Variants in PITPNM2 observed in about 807,000 individuals in gnomAD.
PITPNM2 encodes the protein membrane-associated phosphatidylinositol transfer protein 2.
A neutral mutation model predicts 132.2 loss-of-function variants in PITPNM2; 35 were observed. The observed-to-expected ratio is 0.26, with a 90% CI of 0.20 to 0.35. The LOEUF is 0.35. PITPNM2 is among the 10% of genes least tolerant of loss of function. The pLI is 1.00. For synonymous variants in PITPNM2, 738 were observed against 799.2 expected (o/e 0.92, Z 1.29); for missense variants, 1,332 against 1,912.0 (o/e 0.70, Z 5.66).
chr12:123,129,565 C>T (rs2043218622), intron 1 of PITPNM2, among the ~76,000 whole-genome samples: 2 of 151,178 alleles, frequency 1.3e-5, no homozygotes, highest in Non-Finnish European at 2.9e-5. Context: ...GAGACTCCGT[C>T]TCAAGAAAAA....
intron 14 of PITPNM2, 73 bp from the exon 15 acceptor site, chr12:122,995,052 A>C: frequency 5.5e-6 from 8 of 1,452,850 alleles, no homozygotes; most frequent in Non-Finnish European, 7.3e-6. Context: ...TGCTGGTGGC[A>C]GCAGGTCCCA....
chr12:122,995,331 C>T, intron 14 of PITPNM2, 58 bp downstream of exon 14: 1 of 1,524,318 alleles, frequency 6.6e-7, no homozygotes, highest in Non-Finnish European at 8.8e-7. Flanking sequence ...GATGTTCCTC[C>T]CTCTTGGAGC....
chr12:123,093,918 T>A (rs1593009195), intron 2 of PITPNM2, among the ~76,000 whole-genome samples: 1 of 152,146 alleles, frequency 6.6e-6, no homozygotes, highest in Non-Finnish European at 1.5e-5. Flanking sequence ...GGCAGAGGCA[T>A]CCCCACCCAC....
intron 1 of PITPNM2, among the ~76,000 whole-genome samples, chr12:123,145,901 TA>T (rs1327138983): frequency 7.9e-5 from 12 of 152,280 alleles, no homozygotes; most frequent in Non-Finnish European, 1.3e-4. Context: ...GGAATCAACC[TA>T]AATGCCCCAT....
Position 122,985,850 on chromosome 12 carries a change from A to G in PITPNM2, c.*177T>C. 3.6e-6 allele frequency: 2 copies of G among 551,862 alleles called. No individual in the cohort carries two copies. Among genetic ancestry groups the G allele is most frequent in the Non-Finnish European group, 5.7e-6 (2 of 351,352 alleles). 34.2% of individuals were successfully genotyped at this position (551,862 alleles called of 1,614,324 possible). A position where few individuals can be genotyped will look rare whatever the true frequency, so the allele number is the denominator to read the frequency against. On this transcript the variant is annotated 3_prime_UTR_variant, in exon 26 of 26. Coordinates refer to ENST00000320201, the MANE Select transcript of PITPNM2 (RefSeq NM_020845.3). The stretch of plus-strand genomic sequence containing the variant: ...GCTTCCATGACAAGCCGGACCCGTC[A>G]GGCCCGAGGACGTGAGGCAGGGCAG...
Position 123,005,303 on chromosome 12 carries a change from CCA to C in PITPNM2, c.887_888del (p.Val296GlyfsTer43). ...EPSSSNGEPL[V>X]GRGLKKQWST... ...GACCACTGTTTCTTGAGGCCGCGCCCCACTAGGGGCTCCCCATTGCTGCTGCT... is the reference window on the plus strand; with the variant it reads ...GACCACTGTTTCTTGAGGCCGCGCCCCTAGGGGCTCCCCATTGCTGCTGCT... On this transcript the variant is annotated frameshift_variant, in exon 7 of 26. Coordinates refer to ENST00000320201, the MANE Select transcript of PITPNM2 (RefSeq NM_020845.3). LOFTEE classifies it high-confidence loss of function. The surrounding 1 kb of genome is among the most constrained non-coding windows in gnomAD (Gnocchi z 6.2). 2 of 1,614,038 alleles carry C rather than the reference CCA, an allele frequency of 1.2e-6. No individual in the cohort carries two copies. Among genetic ancestry groups the C allele is most frequent in the Non-Finnish European group, 1.7e-6 (2 of 1,179,998 alleles).
At position 123,004,566 on chromosome 12, in the gene PITPNM2, G is replaced by T; in HGVS notation, c.953-77C>A. On this transcript the variant is annotated intron_variant, in intron 7 of 25. Coordinates refer to ENST00000320201, the MANE Select transcript of PITPNM2 (RefSeq NM_020845.3). This position sits in a 1 kb window ranked among gnomAD's most constrained non-coding sequence, Gnocchi z 4.9. ...GGCTGCCCTGAGCCGGCAGGAGGCA[G>T]GGAGGGCCACCCACAGGCCTGACAG... 1 of 1,410,700 alleles carries T rather than the reference G, an allele frequency of 7.1e-7. No homozygotes were observed. Among genetic ancestry groups the T allele is most frequent in the Non-Finnish European group, 1.0e-6 (1 of 1,002,648 alleles). 87.4% of individuals were successfully genotyped at this position (1,410,700 alleles called of 1,614,324 possible). A position where few individuals can be genotyped will look rare whatever the true frequency, so the allele number is the denominator to read the frequency against.
intron 5 of PITPNM2, among the ~76,000 whole-genome samples, 183 bp from the exon 6 acceptor site, chr12:123,010,260 C>T (rs1330893824): frequency 6.6e-6 from 1 of 152,206 alleles, no homozygotes; most frequent in African/African-American, 2.4e-5. Context: ...GTGGGGCCTG[C>T]AGTTTCCTTG....
intron 1 of PITPNM2, among the ~76,000 whole-genome samples, chr12:123,128,751 CAAAA>C (rs776224035): frequency 1.1e-5 from 1 of 92,044 alleles, no homozygotes. Flanking sequence ...GACTCGATAT[CAAAA>C]AAAAAAAAAA....
In PITPNM2 at chr12:122,988,816, C is replaced by T. The variant is rs1330524739; in HGVS notation, c.2788G>A (p.Ala930Thr). 1.1e-5 allele frequency: 17 copies of T among 1,585,480 alleles called. No homozygotes were observed. The highest frequency in any genetic ancestry group is 1.3e-5 in the Non-Finnish European group (15 of 1,166,036). The change falls in exon 19 of 26, where the codon GCC becomes ACC. Residue 930 changes from alanine (A) to threonine (T), a missense_variant. By Grantham distance (58) the Ala-to-Thr change is moderately conservative. Around this residue, in one of 6 missense-constraint regions of PITPNM2, gnomAD observed 251 missense variants for 472.0 expected, o/e 0.53. Coordinates refer to ENST00000320201, the MANE Select transcript of PITPNM2 (RefSeq NM_020845.3). ...RIDYALYCPD[A>T]LTAFPTVALP... ...GCCACCGTGGGGAAGGCCGTGAGGG[C>T]GTCAGGGCAGTACAGGGCGTAGTCG...
At chr12:123,127,813 G>A (rs561533559) in intron 1 of PITPNM2, among the ~76,000 whole-genome samples, 21 of 152,120 alleles carry the variant, frequency 1.4e-4, no homozygotes, top group African/African-American at 3.4e-4. Context: ...GTTTCACCGC[G>A]TTAGCCAGGA....
chr12:123,148,845 C>T (rs145435537), intron 1 of PITPNM2, among the ~76,000 whole-genome samples: 5 of 151,910 alleles, frequency 3.3e-5, no homozygotes, highest in African/African-American at 1.2e-4. Flanking sequence ...TAGGGTGGTT[C>T]GAAAATCAGA....
rs1262365135 is a variant in PITPNM2, at chr12:123,097,568, T to G, written c.-96+12817A>C. ...ACGCACATGCTCAGCAGTGATGGCA[T>G]GGATGGGGAGGGGTTCCAGCAGACT... On this transcript the variant is annotated intron_variant, in intron 2 of 25. Transcript: ENST00000320201. The surrounding 1 kb of genome is among the most constrained non-coding windows in gnomAD (Gnocchi z 4.7). Among the ~76,000 whole-genome samples the G allele has an allele frequency of 3.3e-5, 5 of 152,042 alleles. No individual in the cohort carries two copies. In the East Asian group the frequency reaches 9.6e-4, roughly 29 times the overall value.
rs1252768113 is a variant in PITPNM2, at chr12:123,009,542, G to A, written c.643+308C>T. On this transcript the variant is annotated intron_variant, in intron 6 of 25. Coordinates refer to ENST00000320201, the MANE Select transcript of PITPNM2 (RefSeq NM_020845.3). The surrounding 1 kb of genome is among the most constrained non-coding windows in gnomAD (Gnocchi z 4.8). ...GGGGCTACTCAGACCTGTGGAGTGT[G>A]GGCTACTCTTTATCAAATGCGAACT... Among the ~76,000 whole-genome samples, 1 of 152,200 alleles carries A rather than the reference G, an allele frequency of 6.6e-6. No homozygotes were observed. The highest frequency in any genetic ancestry group is 1.5e-5 in the Non-Finnish European group (1 of 68,036).
intron 1 of PITPNM2, among the ~76,000 whole-genome samples, chr12:123,123,352 C>G (rs2043068921): frequency 6.6e-6 from 1 of 152,210 alleles, no homozygotes. Flanking sequence ...TTGATCACAC[C>G]TATAATCCCA....
At chr12:122,991,477 G>C (rs1179846607) in intron 16 of PITPNM2, among the ~76,000 whole-genome samples, 1 of 152,216 alleles carries the variant, frequency 6.6e-6, no homozygotes, top group Admixed American at 6.5e-5. Flanking sequence ...CAGAGCCCTG[G>C]AACTGTCGCT....
intron 3 of PITPNM2, 107 bp from the exon 4 acceptor site, chr12:123,014,149 T>A (rs2039326418): frequency 2.5e-6 from 3 of 1,209,986 alleles, no homozygotes; most frequent in Non-Finnish European, 3.5e-6. Flanking sequence ...GGAGGGGCTT[T>A]GGTCAACGAG....
At chr12:123,033,350 C>T (rs941499224) in intron 3 of PITPNM2, among the ~76,000 whole-genome samples, 2 of 152,180 alleles carry the variant, frequency 1.3e-5, no homozygotes, top group Admixed American at 6.5e-5. Context: ...TGGGATGGAA[C>T]CTCTACATAG....
intron 2 of PITPNM2, 23 bp from the exon 3 acceptor site, chr12:123,034,708 C>T (rs1236488634): frequency 1.2e-6 from 1 of 821,474 alleles, no homozygotes. Flanking sequence ...GAGGACAGAA[C>T]AGAACAGTCA....
Sources: allele counts gnomAD v4.1 joint callset (sites outside exome capture counted in the v4.1 genomes callset), GRCh38; gene constraint gnomAD v4.1.1; regional missense constraint gnomAD v4.1.1; non-coding constraint Gnocchi (gnomAD v3.1); transcripts MANE v1.5; gene names NCBI Gene and HGNC (gene_info 2026-07-23, HGNC 2026-07-21).